QRSL1: variants seen among roughly 807,000 people sequenced by gnomAD.
QRSL1 encodes the protein glutaminyl-tRNA amidotransferase subunit QRSL1, also known as glutamyl-tRNA(Gln) amidotransferase subunit A, mitochondrial.
Under a neutral mutation model 61.6 loss-of-function variants are expected in QRSL1, and 54 were observed. The ratio of observed to expected loss-of-function variants is 0.88; its 90% confidence interval spans 0.70 to 1.10. The LOEUF (loss-of-function observed/expected upper bound fraction) is 1.10. QRSL1 is among the 50% of genes least tolerant of loss of function. The pLI, the probability that QRSL1 is intolerant of heterozygous loss-of-function variation, is 0.00. For synonymous variants in QRSL1, 228 were observed against 225.7 expected (o/e 1.01, Z -0.09); for missense variants, 505 against 622.6 (o/e 0.81, Z 2.01).
Position 106,651,627 on chromosome 6 carries a change from G to GT in QRSL1, c.558-581dup, listed in dbSNP as rs11371854. On this transcript the variant is annotated intron_variant, in intron 5 of 10. Coordinates refer to ENST00000369046, the MANE Select transcript of QRSL1 (RefSeq NM_018292.5). ...AATAGTTATTCTAGTTAGAAACAAC[G>GT]TAAGAGTTTAAATTATTAAACATCT... Among the ~76,000 whole-genome samples the GT allele has an allele frequency of 5.6e-3, 847 of 152,204 alleles. 13 individuals carry two copies. The highest frequency in any genetic ancestry group is 0.02 in the African/African-American group (821 of 41,532).
chr6:106,632,335 G>T (rs1239228056), intron 1 of QRSL1, among the ~76,000 whole-genome samples: 3 of 152,226 alleles, frequency 2.0e-5, no homozygotes, highest in African/African-American at 7.2e-5. Context: ...ATACGTAGCA[G>T]TGGGATTGCT....
chr6:106,656,649 G>A (rs1306620455), intron 9 of QRSL1, among the ~76,000 whole-genome samples: 4 of 152,298 alleles, frequency 2.6e-5, no homozygotes, highest in South Asian at 2.1e-4. Context: ...TCTCAGGGCC[G>A]ATAGTTAGAA....
intron 1 of QRSL1, among the ~76,000 whole-genome samples, chr6:106,635,744 G>A (rs909964325): frequency 4.6e-5 from 7 of 152,014 alleles, no homozygotes; most frequent in South Asian, 2.1e-4. Flanking sequence ...GGTGGCACAC[G>A]CCTGTAATCC....
At chr6:106,639,748 GT>G (rs1012528530) in intron 1 of QRSL1, among the ~76,000 whole-genome samples, 15 of 151,428 alleles carry the variant, frequency 9.9e-5, no homozygotes, top group South Asian at 2.1e-4. Context: ...TTTCGGTGCA[GT>G]TTTTTTTTAA....
chr6:106,660,335 C>CG, intron 9 of QRSL1, among the ~76,000 whole-genome samples: 1 of 151,628 alleles, frequency 6.6e-6, no homozygotes. Context: ...TCCCCACCCC[C>CG]CCCGTGAAGC....
At chr6:106,642,119 C>T (rs531073574) in intron 3 of QRSL1, among the ~76,000 whole-genome samples, 21 of 152,240 alleles carry the variant, frequency 1.4e-4, no homozygotes, top group South Asian at 4.1e-4. Context: ...TGCAGTGGTG[C>T]GATCTCGGGT....
intron 5 of QRSL1, 75 bp downstream of exon 5, chr6:106,649,276 AGTAGTTCATATCCTG>A: frequency 6.9e-7 from 1 of 1,453,296 alleles, no homozygotes; most frequent in Non-Finnish European, 9.4e-7. Flanking sequence ...CCAGCAATAG[AGTAGTTCATATCCTG>A]GTATTTTTCT....
chr6:106,659,358 G>A (rs569766594), intron 9 of QRSL1, among the ~76,000 whole-genome samples: 2 of 151,982 alleles, frequency 1.3e-5, no homozygotes, highest in Non-Finnish European at 2.9e-5. Flanking sequence ...CCAGCTACTC[G>A]GGAGGCCAAG....
chr6:106,649,001 T>G (rs773067398), intron 4 of QRSL1, 24 bp from the exon 5 acceptor site: 1 of 1,584,782 alleles, frequency 6.3e-7, no homozygotes, highest in Non-Finnish European at 8.6e-7. Flanking sequence ...TTTACTAAGG[T>G]ATCTTGCTTC....
At chr6:106,654,543 A>ACCATAAACACTCTGAAAT in intron 7 of QRSL1, among the ~76,000 whole-genome samples, 187 bp from the exon 8 acceptor site, 1 of 152,276 alleles carries the variant, frequency 6.6e-6, no homozygotes, top group Non-Finnish European at 1.5e-5. Flanking sequence ...GCTTTGTCAT[A>ACCATAAACACTCTGAAAT]CCATAAACAC....
At chr6:106,639,134 T>TTTTTTTTTTTTTTTG (rs1776974966) in intron 1 of QRSL1, among the ~76,000 whole-genome samples, 1 of 135,812 alleles carries the variant, frequency 7.4e-6, no homozygotes, top group African/African-American at 2.9e-5. Flanking sequence ...TTTTTTTTTT[T>TTTTTTTTTTTTTTTG]TTTTTTTTTT....
intron 10 of QRSL1, among the ~76,000 whole-genome samples, chr6:106,664,396 A>G (rs1296327208): frequency 6.6e-6 from 1 of 152,142 alleles, no homozygotes. Flanking sequence ...AAGTACCAAG[A>G]TTCTTTATTT....
Position 106,652,205 on chromosome 6 carries a change from C to A in QRSL1, c.558-4C>A. The A allele has an allele frequency of 6.2e-7, 1 of 1,605,324 alleles. No homozygotes were observed. Among genetic ancestry groups the A allele is most frequent in the Non-Finnish European group, 8.5e-7 (1 of 1,175,522 alleles). ...TTCTAAAGATAATTCCATTTAAATT[C>A]CAGGGCTTTAGGATCAGATACAGGA... On this transcript the variant is annotated splice_polypyrimidine_tract_variant and splice_region_variant and intron_variant, in intron 5 of 10. Coordinates refer to ENST00000369046, the MANE Select transcript of QRSL1 (RefSeq NM_018292.5).
chr6:106,639,376 G>A (rs957834800), intron 1 of QRSL1, among the ~76,000 whole-genome samples: 2 of 151,952 alleles, frequency 1.3e-5, no homozygotes, highest in African/African-American at 2.4e-5. Context: ...TACCCGCCTT[G>A]GCCTCCCAAA....
At chr6:106,656,084 C>T (rs1777266407) in intron 9 of QRSL1, among the ~76,000 whole-genome samples, 1 of 152,188 alleles carries the variant, frequency 6.6e-6, no homozygotes. Flanking sequence ...ATTTACCTCG[C>T]ATTTACATTG....
intron 1 of QRSL1, among the ~76,000 whole-genome samples, chr6:106,639,116 GTT>G (rs1209522301): frequency 7.4e-5 from 4 of 54,356 alleles, no homozygotes; most frequent in East Asian, 4.0e-4. Context: ...TGTGTGTTTT[GTT>G]GTTTTTTTTT....
chr6:106,640,259 T>C, intron 1 of QRSL1, 90 bp from the exon 2 acceptor site: 3 of 1,161,584 alleles, frequency 2.6e-6, no homozygotes, highest in African/African-American at 3.1e-5. Flanking sequence ...ATGTTATACT[T>C]AGCCACTCCA....
chr6:106,637,833 G>A (rs1328023374), intron 1 of QRSL1, among the ~76,000 whole-genome samples: 1 of 152,190 alleles, frequency 6.6e-6, no homozygotes, highest in African/African-American at 2.4e-5. Context: ...CTTATGCTCA[G>A]TCCATTTAGC....
chr6:106,647,121 G>A (rs1044999172), intron 4 of QRSL1, among the ~76,000 whole-genome samples: 2 of 150,234 alleles, frequency 1.3e-5, no homozygotes, highest in African/African-American at 4.9e-5. Context: ...AAGTGAAAAC[G>A]CAAGCCACAG....
Sources: allele counts gnomAD v4.1 joint callset (sites outside exome capture counted in the v4.1 genomes callset), GRCh38; gene constraint gnomAD v4.1.1; transcripts MANE v1.5; gene names NCBI Gene and HGNC (gene_info 2026-07-23, HGNC 2026-07-21).